The following FAAH2 variants were observed in gnomAD, a reference collection of about 807,000 sequenced individuals.
The protein encoded by FAAH2 is fatty acid amide hydrolase 2, also known as fatty-acid amide hydrolase 2.
Under a neutral mutation model 36.9 loss-of-function variants are expected in FAAH2, and 60 were observed. The observed-to-expected ratio is 1.63, with a 90% confidence interval of 1.32 to 2.02. The LOEUF is 2.02. Among genes scored for constraint, FAAH2 ranks in the 30% most tolerant of loss-of-function variants. The pLI, the probability that FAAH2 is intolerant of heterozygous loss-of-function variation, is 0.00. For missense variants in FAAH2, 689 were observed against 397.5 expected (o/e 1.73, Z -6.23); for synonymous variants, 214 against 143.8 (o/e 1.49, Z -3.49).
the FAAH2 span, among the ~76,000 whole-genome samples, chrX:57,269,239 C>A: frequency 1.8e-5 from 2 of 111,182 alleles, no homozygotes; most frequent in African/African-American, 6.5e-5. Context: ...TTCATAGAGA[C>A]CTTCAAAGAG....
intron 7 of FAAH2, among the ~76,000 whole-genome samples, chrX:57,428,462 G>A (rs955740929): frequency 1.8e-5 from 2 of 111,386 alleles, no homozygotes; most frequent in Non-Finnish European, 3.8e-5. Flanking sequence ...GAACTAAGTC[G>A]GATGCATCAC....
At chrX:57,306,988 C>CAGATATATATATATATATATAT (rs1339824539) in intron 2 of FAAH2, among the ~76,000 whole-genome samples, 7 of 10,225 alleles carry the variant, frequency 6.8e-4, no homozygotes, top group African/African-American at 7.8e-4. Flanking sequence ...CACACACACA[C>CAGATATATATATATATATATAT]ACACAGATAC....
At chrX:57,334,281 C>CACACACACAT (rs1163115995) in intron 4 of FAAH2, among the ~76,000 whole-genome samples, 1 of 108,147 alleles carries the variant, frequency 9.2e-6, no homozygotes, top group Non-Finnish European at 1.9e-5. Flanking sequence ...CACACACACA[C>CACACACACAT]ACACACACAC....
chrX:57,216,598 GTATATA>G, the FAAH2 span, among the ~76,000 whole-genome samples: 1 of 4,687 alleles, frequency 2.1e-4, no homozygotes, highest in East Asian at 0.015. Context: ...GTATATATAT[GTATATA>G]TATACGTATA....
chrX:57,189,644 G>T, the FAAH2 span, among the ~76,000 whole-genome samples: 9 of 111,417 alleles, frequency 8.1e-5, no homozygotes, highest in African/African-American at 2.9e-4. Context: ...AATCAGGCCC[G>T]TCTTCTGCAG....
intron 2 of FAAH2, among the ~76,000 whole-genome samples, chrX:57,303,417 C>A (rs2052434260): frequency 8.9e-6 from 1 of 111,835 alleles, no homozygotes; most frequent in South Asian, 3.8e-4. Context: ...TGATTCTAAT[C>A]CTTTGATTTT....
chrX:57,381,565 A>G, intron 7 of FAAH2: 1 of 683,820 alleles, frequency 1.5e-6, no homozygotes, highest in Non-Finnish European at 1.7e-6. Flanking sequence ...ACGTGGAAGC[A>G]ATGGAAGACA....
intron 5 of FAAH2, among the ~76,000 whole-genome samples, chrX:57,349,559 A>G (rs1011521469): frequency 9.5e-6 from 1 of 105,019 alleles, no homozygotes; most frequent in African/African-American, 3.4e-5. Context: ...TTATATATAT[A>G]TATCTATTTT....
chrX:57,183,782 G>A, the FAAH2 span, among the ~76,000 whole-genome samples: 2 of 111,225 alleles, frequency 1.8e-5, no homozygotes, highest in East Asian at 5.6e-4. Flanking sequence ...CGATTTTTAG[G>A]GAACGAGGGA....
chrX:57,197,540 G>A, the FAAH2 span, among the ~76,000 whole-genome samples: 2 of 74,568 alleles, frequency 2.7e-5, no homozygotes, highest in South Asian at 5.1e-4. Flanking sequence ...CTGCTATTCA[G>A]ATATTTTTTT....
intron 2 of FAAH2, among the ~76,000 whole-genome samples, chrX:57,300,392 C>T (rs1286948554): frequency 8.9e-6 from 1 of 111,765 alleles, no homozygotes; most frequent in Non-Finnish European, 1.9e-5. Flanking sequence ...TCTGTGAAAA[C>T]CGGCTAGCTA....
chrX:57,394,617 G>A, intron 7 of FAAH2: 2 of 1,121,846 alleles, frequency 1.8e-6, no homozygotes, highest in South Asian at 1.8e-5. Flanking sequence ...ACCGTCATGA[G>A]CCCTAAGCCA....
chrX:57,321,231 G>C (rs993009095), intron 3 of FAAH2, among the ~76,000 whole-genome samples: 1 of 109,950 alleles, frequency 9.1e-6, no homozygotes, highest in Non-Finnish European at 1.9e-5. Context: ...AACACAAATC[G>C]GAAAACACTG....
At chrX:57,471,168 C>G (rs1244726822) in intron 10 of FAAH2, among the ~76,000 whole-genome samples, 1 of 111,662 alleles carries the variant, frequency 9.0e-6, no homozygotes, top group African/African-American at 3.3e-5. Flanking sequence ...TGGAAGCATT[C>G]CCTTTGGAAA....
the FAAH2 span, among the ~76,000 whole-genome samples, chrX:57,129,748 A>C: frequency 8.9e-6 from 1 of 112,172 alleles, no homozygotes. Flanking sequence ...ACTTCTGTAA[A>C]GTTAAATATT....
At chrX:57,302,516 A>C (rs1413031905) in intron 2 of FAAH2, among the ~76,000 whole-genome samples, 1 of 111,193 alleles carries the variant, frequency 9.0e-6, no homozygotes, top group African/African-American at 3.3e-5. Context: ...GCACAGTGGA[A>C]TTAGTGCTCT....
intron 8 of FAAH2, among the ~76,000 whole-genome samples, chrX:57,444,313 T>C (rs1025844172): frequency 1.3e-4 from 15 of 112,181 alleles, no homozygotes; most frequent in African/African-American, 4.5e-4. Flanking sequence ...CAATGGCGGA[T>C]GCCCCTCCCC....
chrX:57,419,315 C>A (rs1196166031), intron 7 of FAAH2, among the ~76,000 whole-genome samples: 1 of 110,720 alleles, frequency 9.0e-6, no homozygotes, highest in Non-Finnish European at 1.9e-5. Flanking sequence ...AATGGTTGAA[C>A]TAGTTTACAG....
intron 5 of FAAH2, among the ~76,000 whole-genome samples, chrX:57,345,393 A>AT (rs892109148): frequency 2.7e-5 from 3 of 109,768 alleles, no homozygotes; most frequent in African/African-American, 6.6e-5. Flanking sequence ...AAATGTATCC[A>AT]TTTTTTCTAG....
Sources: gnomAD v4.1 joint callset for allele counts (sites outside exome capture counted in the v4.1 genomes callset) on GRCh38, gnomAD v4.1.1 for gene constraint, MANE v1.5 for transcripts, NCBI Gene and HGNC (gene_info 2026-07-23, HGNC 2026-07-21) for gene names.